Variants in RAD51B observed in about 807,000 individuals in gnomAD.
RAD51B encodes the protein DNA repair protein RAD51 homolog 2.
RAD51B carries 38 observed loss-of-function variants against 42.2 expected under a neutral mutation model. The ratio of observed to expected loss-of-function variants is 0.90; its 90% CI spans 0.70 to 1.18. The LOEUF (loss-of-function observed/expected upper bound fraction) is 1.18. Among genes scored for constraint, RAD51B ranks in the 50% most tolerant of loss-of-function variants. The pLI is 0.00. For synonymous variants in RAD51B, 154 were observed against 145.2 expected (o/e 1.06, Z -0.43); for missense variants, 373 against 400.7 (o/e 0.93, Z 0.59).
intron 8 of RAD51B, among the ~76,000 whole-genome samples, chr14:68,395,734 T>A (rs2083897878): frequency 6.6e-6 from 1 of 152,196 alleles, no homozygotes. Flanking sequence ...CCATGGTGCC[T>A]TCTAGATGAA....
chr14:68,670,166 G>A (rs77851518), intron 11 of RAD51B, among the ~76,000 whole-genome samples: 203 of 152,266 alleles, frequency 1.3e-3, no homozygotes, highest in African/African-American at 4.3e-3. Flanking sequence ...AGACCAGGCC[G>A]ACCCTTCCTT....
At chr14:68,133,120 A>G (rs995908066) in intron 7 of RAD51B, among the ~76,000 whole-genome samples, 1 of 152,232 alleles carries the variant, frequency 6.6e-6, no homozygotes, top group African/African-American at 2.4e-5. Context: ...AGGTTAGCTC[A>G]ATCAGAAATA....
intron 8 of RAD51B, among the ~76,000 whole-genome samples, chr14:68,309,736 G>T (rs1396291876): frequency 2.0e-5 from 3 of 152,128 alleles, no homozygotes; most frequent in Admixed American, 6.5e-5. Flanking sequence ...AGTGTTGTTT[G>T]CTGTAAAACA....
At chr14:67,922,367 A>G (rs1408605945) in intron 7 of RAD51B, among the ~76,000 whole-genome samples, 2 of 152,164 alleles carry the variant, frequency 1.3e-5, no homozygotes, top group Non-Finnish European at 2.9e-5. Flanking sequence ...GAAAAAGTGG[A>G]AAAATACCCC....
intron 10 of RAD51B, among the ~76,000 whole-genome samples, chr14:68,530,097 A>G (rs952616840): frequency 6.6e-6 from 1 of 152,136 alleles, no homozygotes; most frequent in Non-Finnish European, 1.5e-5. Context: ...TCCAATTTTT[A>G]TACATACATA....
intron 7 of RAD51B, among the ~76,000 whole-genome samples, chr14:68,089,753 C>T (rs759884428): frequency 2.0e-5 from 3 of 152,052 alleles, no homozygotes; most frequent in Non-Finnish European, 2.9e-5. Context: ...TGTGTGAAAA[C>T]GCAGACTTTG....
chr14:68,209,922 A>G (rs958194340), intron 7 of RAD51B, among the ~76,000 whole-genome samples: 6 of 151,504 alleles, frequency 4.0e-5, no homozygotes, highest in African/African-American at 1.5e-4. Flanking sequence ...GAATTTCATC[A>G]GGCTGTATTA....
intron 7 of RAD51B, among the ~76,000 whole-genome samples, chr14:68,087,736 C>T (rs1287653423): frequency 6.7e-6 from 1 of 148,868 alleles, no homozygotes; most frequent in African/African-American, 2.5e-5. Context: ...TGTATATGTA[C>T]CATTACATTG....
chr14:68,548,886 TG>T (rs1888371710), intron 10 of RAD51B, among the ~76,000 whole-genome samples: 1 of 152,078 alleles, frequency 6.6e-6, no homozygotes, highest in East Asian at 1.9e-4. Context: ...CCTCCCTCCA[TG>T]GGGGGCCATC....
intron 8 of RAD51B, among the ~76,000 whole-genome samples, chr14:68,297,848 G>C (rs114146007): frequency 1.3e-4 from 20 of 152,178 alleles, no homozygotes; most frequent in Non-Finnish European, 2.4e-4. Context: ...GGTGTGCTGG[G>C]AACAGAAGTC....
At chr14:68,437,858 A>C (rs1291729590) in intron 9 of RAD51B, among the ~76,000 whole-genome samples, 1 of 152,192 alleles carries the variant, frequency 6.6e-6, no homozygotes, top group Non-Finnish European at 1.5e-5. Flanking sequence ...AGGATTCAGA[A>C]GAGGGTGTGA....
chr14:67,907,419 T>C (rs1415070234), intron 7 of RAD51B, among the ~76,000 whole-genome samples: 6 of 152,130 alleles, frequency 3.9e-5, no homozygotes. Context: ...AATTATAATT[T>C]ATTATATCTC....
chr14:68,541,882 T>C (rs2140368830), intron 10 of RAD51B: 1 of 951,708 alleles, frequency 1.1e-6, no homozygotes, highest in East Asian at 1.2e-4. Context: ...CCTCTTTTAT[T>C]GAGATCCCCA....
At position 67,896,440 on chromosome 14, in the gene RAD51B, G is replaced by A. The variant is rs75984271; in HGVS notation, c.756+9236G>A. ...TGAGACATCAACCAAGATTTTATAC[G>A]AAGAGCTGTGATCATCAAGGTGGGA... On this transcript the variant is annotated intron_variant, in intron 7 of 10. Coordinates refer to ENST00000471583, the MANE Select transcript of RAD51B (RefSeq NM_133510.4). Among the ~76,000 whole-genome samples, 506 of 152,260 alleles carry A rather than the reference G, an allele frequency of 3.3e-3. 3 individuals are homozygous for A. Among genetic ancestry groups the A allele is most frequent in the African/African-American group, 0.012 (483 of 41,558 alleles).
chr14:68,591,870 G>T (rs1890757618), intron 10 of RAD51B, among the ~76,000 whole-genome samples: 1 of 152,144 alleles, frequency 6.6e-6, no homozygotes, highest in Non-Finnish European at 1.5e-5. Flanking sequence ...GGGCCTCACA[G>T]TCCTACTGTC....
chr14:68,236,927 G>C (rs1169010875), intron 7 of RAD51B, among the ~76,000 whole-genome samples: 1 of 152,172 alleles, frequency 6.6e-6, no homozygotes, highest in Admixed American at 6.5e-5. Context: ...GTAACAGTCT[G>C]TTCCTTAAGT....
intron 7 of RAD51B, among the ~76,000 whole-genome samples, chr14:68,119,502 C>T (rs1397611709): frequency 4.1e-5 from 5 of 121,230 alleles, no homozygotes; most frequent in East Asian, 2.5e-4. Flanking sequence ...CAGAGTGTGA[C>T]GTTCCCCTTC....
At chr14:67,840,739 A>G (rs1254338582) in intron 4 of RAD51B, among the ~76,000 whole-genome samples, 3 of 151,026 alleles carry the variant, frequency 2.0e-5, no homozygotes, top group Admixed American at 1.3e-4. Context: ...ACTAATTTAT[A>G]TTTCCACCTA....
chr14:68,231,326 A>G (rs550401065), intron 7 of RAD51B, among the ~76,000 whole-genome samples: 5 of 151,798 alleles, frequency 3.3e-5, no homozygotes, highest in African/African-American at 1.2e-4. Flanking sequence ...CCTTCCTCCA[A>G]TCTTGTTTTC....
Sources: allele counts gnomAD v4.1 joint callset (sites outside exome capture counted in the v4.1 genomes callset), GRCh38; gene constraint gnomAD v4.1.1; transcripts MANE v1.5; gene names NCBI Gene and HGNC (gene_info 2026-07-23, HGNC 2026-07-21).